The following HTR4 variants were observed in gnomAD, a reference collection of about 807,000 sequenced individuals.
The protein encoded by HTR4 is 5-hydroxytryptamine (serotonin) receptor 4, G protein-coupled.
HTR4 carries 16 observed loss-of-function variants against 36.8 expected under a neutral mutation model. That is an observed-to-expected ratio of 0.43 (90% CI 0.29 to 0.66). The LOEUF is 0.66. Ranked by LOEUF, HTR4 falls within the 30% of genes least tolerant of loss-of-function variation. HTR4 has a pLI of 0.13. For missense variants in HTR4, 438 were observed against 490.9 expected, an observed-to-expected ratio of 0.89 and a Z score of 1.02; for synonymous variants, 189 against 185.1, an observed-to-expected ratio of 1.02 and a Z score of -0.17.
chr5:148,453,461 C>T (rs1389048929), intron 5 of HTR4, among the ~76,000 whole-genome samples: 4 of 152,144 alleles, frequency 2.6e-5, no homozygotes, highest in Non-Finnish European at 4.4e-5. Context: ...ATACTCAGGC[C>T]GTTTCTGTCT....
chr5:148,547,449 G>A (rs1326254707), intron 4 of HTR4, among the ~76,000 whole-genome samples: 1 of 151,756 alleles, frequency 6.6e-6, no homozygotes, highest in Admixed American at 6.6e-5. Context: ...AACCCGGGAG[G>A]TGGAGCTTGC....
downstream of HTR4, chr5:148,476,710 A>G (rs770771442): frequency 6.2e-7 from 1 of 1,611,820 alleles, no homozygotes; most frequent in South Asian, 1.1e-5. Flanking sequence ...AAAATGAGCA[A>G]TAAGAATTGG....
chr5:148,644,237 A>T (rs1205933432), intron 1 of HTR4, among the ~76,000 whole-genome samples: 1 of 152,158 alleles, frequency 6.6e-6, no homozygotes, highest in Admixed American at 6.5e-5. Flanking sequence ...TGCAGTAGGT[A>T]TCTAGAGCAT....
intron 2 of HTR4, among the ~76,000 whole-genome samples, chr5:148,607,635 G>A (rs1752235818): frequency 6.6e-6 from 1 of 152,134 alleles, no homozygotes; most frequent in Non-Finnish European, 1.5e-5. Flanking sequence ...CCCAGTCCCA[G>A]CCAATTGGAG....
In HTR4 at chr5:148,484,653, C is replaced by T. The variant is rs552764609; in HGVS notation, c.1077-1360G>A. 7.2e-5 allele frequency among the ~76,000 whole-genome samples: 11 copies of T among 152,322 alleles called. No individual in the cohort carries two copies. In the South Asian group the frequency reaches 1.7e-3, roughly 23 times the overall value. On this transcript the variant is annotated intron_variant, in intron 6 of 6. Transcript: ENST00000377888. ...TCCATCAATCCTGGACAGCAACTTT[C>T]TCCCTAAAATGTTCTCTTCTTTCCA...
At position 148,596,042 on chromosome 5, in the gene HTR4, G is replaced by A. The variant is rs1204431802; in HGVS notation, c.26+40947C>T. Among the ~76,000 whole-genome samples the A allele has an allele frequency of 2.0e-5, 3 of 152,320 alleles. No individual in the cohort carries two copies. The South Asian group carries it at 6.2e-4, about 32-fold the overall frequency. On this transcript the variant is annotated intron_variant, in intron 2 of 6. Coordinates refer to ENST00000377888, the MANE Select transcript of HTR4 (RefSeq NM_000870.7). The stretch of plus-strand genomic sequence containing the variant: ...CTGCAAATCAATTGCAGCATATGGC[G>A]TTTGTGCTTCTATTACCCAGAGCAG...
intron 6 of HTR4, among the ~76,000 whole-genome samples, chr5:148,504,475 C>T (rs1257454403): frequency 6.6e-6 from 1 of 152,198 alleles, no homozygotes; most frequent in Non-Finnish European, 1.5e-5. Flanking sequence ...ACCAGAATCT[C>T]TGGGACACAT....
intron 2 of HTR4, among the ~76,000 whole-genome samples, chr5:148,572,526 G>C (rs1178301654): frequency 6.6e-6 from 1 of 152,046 alleles, no homozygotes; most frequent in East Asian, 1.9e-4. Context: ...CAGATGAATA[G>C]AAATGTTTGC....
chr5:148,623,033 TTGTAAA>T (rs1351089347), intron 2 of HTR4, among the ~76,000 whole-genome samples: 1 of 151,476 alleles, frequency 6.6e-6, no homozygotes, highest in African/African-American at 2.4e-5. Flanking sequence ...AAAATATGAG[TTGTAAA>T]TGTGAATGAG....
At chr5:148,580,594 A>T (rs995432577) in intron 2 of HTR4, among the ~76,000 whole-genome samples, 7 of 152,100 alleles carry the variant, frequency 4.6e-5, no homozygotes, top group African/African-American at 1.4e-4. Context: ...ACTGTTTTAG[A>T]TGCCTCATTT....
intron 6 of HTR4, chr5:148,484,479 T>A: frequency 2.6e-6 from 3 of 1,164,360 alleles, no homozygotes; most frequent in Non-Finnish European, 3.6e-6. Flanking sequence ...AGCTTTAGTG[T>A]TTCTTGAAAA....
At chr5:148,496,432 A>G (rs893534039) in intron 6 of HTR4, among the ~76,000 whole-genome samples, 1 of 152,148 alleles carries the variant, frequency 6.6e-6, no homozygotes, top group Non-Finnish European at 1.5e-5. Context: ...GCACTCCCCA[A>G]ATTTCCAACA....
chr5:148,546,776 CA>C (rs1165442159), intron 4 of HTR4, among the ~76,000 whole-genome samples: 3 of 152,182 alleles, frequency 2.0e-5, no homozygotes, highest in African/African-American at 7.2e-5. Flanking sequence ...CTCATTTTAA[CA>C]ATGATCATAT....
At chr5:148,550,789 A>G (rs1759643682) in intron 2 of HTR4, among the ~76,000 whole-genome samples, 1 of 152,218 alleles carries the variant, frequency 6.6e-6, no homozygotes, top group Non-Finnish European at 1.5e-5. Flanking sequence ...GGACCAAGGC[A>G]TGGGGACCAA....
At chr5:148,569,100 G>C (rs1478509348) in intron 2 of HTR4, among the ~76,000 whole-genome samples, 1 of 151,796 alleles carries the variant, frequency 6.6e-6, no homozygotes, top group Non-Finnish European at 1.5e-5. Flanking sequence ...ATCAGAAGGA[G>C]ATCTGATTTT....
chr5:148,453,577 G>A (rs951990832), intron 5 of HTR4, among the ~76,000 whole-genome samples: 7 of 152,136 alleles, frequency 4.6e-5, no homozygotes, highest in Admixed American at 1.3e-4. Flanking sequence ...CCTGAGGTTC[G>A]ATCCTGCCTG....
At chr5:148,628,490 T>C (rs1167938246) in intron 2 of HTR4, 1 of 152,240 alleles carries the variant, frequency 6.6e-6, no homozygotes, top group Admixed American at 6.5e-5. Context: ...TCCATTTTCA[T>C]AGATATTGTC....
At chr5:148,494,425 G>A (rs984557784) in intron 6 of HTR4, among the ~76,000 whole-genome samples, 17 of 152,044 alleles carry the variant, frequency 1.1e-4, no homozygotes, top group Admixed American at 8.5e-4. Context: ...GCTGTAACCC[G>A]GATTATTTTT....
intron 5 of HTR4, among the ~76,000 whole-genome samples, chr5:148,517,617 A>T (rs905267303): frequency 3.6e-5 from 5 of 139,606 alleles, no homozygotes; most frequent in Non-Finnish European, 7.7e-5. Flanking sequence ...TTCCTTTCAC[A>T]TTCCTCTTCT....
Sources: gnomAD v4.1 joint callset for allele counts (sites outside exome capture counted in the v4.1 genomes callset) on GRCh38, gnomAD v4.1.1 for gene constraint, MANE v1.5 for transcripts, NCBI Gene and HGNC (gene_info 2026-07-23, HGNC 2026-07-21) for gene names.